Variants in ADGRA2 observed in about 807,000 individuals in gnomAD.
ADGRA2 encodes the protein G-protein coupled receptor 124.
Under a neutral mutation model 98.7 loss-of-function variants are expected in ADGRA2, and 61 were observed. That is an observed-to-expected ratio of 0.62 (90% CI 0.50 to 0.76). The LOEUF is 0.76. ADGRA2 is among the 30% of genes least tolerant of loss of function. The probability of loss-of-function intolerance (pLI) is 0.00; values close to 1 mark genes in which losing one functional copy is unlikely to be tolerated. For missense variants in ADGRA2, 1,712 were observed against 1,860.0 expected (o/e 0.92, Z 1.46); for synonymous variants, 858 against 831.5 (o/e 1.03, Z -0.55).
rs568410270 is a variant in ADGRA2, at chr8:37,809,382, C to T, written c.267-5514C>T. On this transcript the variant is annotated intron_variant, in intron 1 of 18. Transcript: ENST00000412232. ...CTCCCCAGATAGACCCACCACAAGGCACCCTCTGGAGAATAGAACCAGCAA... is the reference window on the plus strand; with the variant it reads ...CTCCCCAGATAGACCCACCACAAGGTACCCTCTGGAGAATAGAACCAGCAA... 1.2e-3 allele frequency among the ~76,000 whole-genome samples: 184 copies of T among 152,082 alleles called. 1 individual carries two copies. Among genetic ancestry groups the T allele is most frequent in the South Asian group, 9.4e-3 (45 of 4,808 alleles).
At chr8:37,818,477 A>G (rs1328409929) in intron 2 of ADGRA2, among the ~76,000 whole-genome samples, 1 of 152,262 alleles carries the variant, frequency 6.6e-6, no homozygotes, top group Non-Finnish European at 1.5e-5. Context: ...GCAGGCAATC[A>G]GAAGAACCAG....
chr8:37,832,936 C>G, intron 8 of ADGRA2, 74 bp from the exon 9 acceptor site: 1 of 1,190,186 alleles, frequency 8.4e-7, no homozygotes, highest in Non-Finnish European at 1.2e-6. Flanking sequence ...CCGGCCTCAC[C>G]GTTCTAAAGT....
chr8:37,827,019 GC>G (rs1563346275), intron 2 of ADGRA2, among the ~76,000 whole-genome samples: 1 of 152,124 alleles, frequency 6.6e-6, no homozygotes. Flanking sequence ...CCCCACCCTT[GC>G]CTGCTCCAGG....
At chr8:37,829,206 T>A in intron 3 of ADGRA2, 55 bp from the exon 4 acceptor site, 2 of 1,338,792 alleles carry the variant, frequency 1.5e-6, no homozygotes. Context: ...TCCTCACAAG[T>A]GGACCCACGT....
intron 1 of ADGRA2, among the ~76,000 whole-genome samples, chr8:37,799,017 G>A (rs533550992): frequency 6.6e-6 from 1 of 152,304 alleles, no homozygotes; most frequent in East Asian, 1.9e-4. Flanking sequence ...ACTTAGTTCT[G>A]GAGGAGAAAA....
chr8:37,835,368 C>G lies in ADGRA2; in HGVS notation c.1803C>G (p.Pro601=). ...GCTTCCGCTGCACCACCGGGAGGCC[C>G]AATGTTTCTCTGTCGTCCTTCCACA... ...QLRFRCTTGR[P]NVSLSSFHIK... is the part of the protein sequence containing the mutation. Residue 601 remains proline (P), a synonymous_variant, in exon 12 of 19, where the codon CCC becomes CCG. Transcript: ENST00000412232. 6.2e-7 allele frequency: 1 copy of G among 1,611,848 alleles called. No individual in the cohort carries two copies. The highest frequency in any genetic ancestry group is 2.2e-5 in the East Asian group (1 of 44,850).
intron 13 of ADGRA2, among the ~76,000 whole-genome samples, chr8:37,837,329 G>T (rs930649940): frequency 5.3e-5 from 8 of 152,142 alleles, no homozygotes; most frequent in African/African-American, 1.7e-4. Context: ...CACTGGGAAC[G>T]CCTCCTCCTA....
At position 37,814,321 on chromosome 8, in the gene ADGRA2, G is replaced by T. The variant is rs892865778; in HGVS notation, c.267-575G>T. On this transcript the variant is annotated intron_variant, in intron 1 of 18. Coordinates refer to ENST00000412232, the MANE Select transcript of ADGRA2 (RefSeq NM_032777.10). This position sits in a 1 kb window ranked among gnomAD's most constrained non-coding sequence, Gnocchi z 4.3. ...GGGGCTCCATTGGCTTTCTGCCAAG[G>T]CTTCAGAAGGCTTAGGAGGCCAGGA... 9.2e-5 allele frequency among the ~76,000 whole-genome samples: 14 copies of T among 152,208 alleles called. 1 individual carries two copies. The highest frequency in any genetic ancestry group is 6.5e-5 in the Admixed American group (1 of 15,286).
At chr8:37,822,085 T>G (rs899860154) in intron 2 of ADGRA2, among the ~76,000 whole-genome samples, 1 of 152,140 alleles carries the variant, frequency 6.6e-6, no homozygotes, top group Non-Finnish European at 1.5e-5. Flanking sequence ...CCCCCATGCC[T>G]GGCATGGGGT....
At chr8:37,831,940 A>G (rs1298658614) in intron 8 of ADGRA2, among the ~76,000 whole-genome samples, 1 of 152,096 alleles carries the variant, frequency 6.6e-6, no homozygotes, top group East Asian at 1.9e-4. Flanking sequence ...CGTGCCTGTA[A>G]TCCCAACTAC....
At chr8:37,811,168 G>T (rs867489104) in intron 1 of ADGRA2, among the ~76,000 whole-genome samples, 2,293 of 101,728 alleles carry the variant, frequency 0.023, 43 homozygotes, top group East Asian at 0.078. Context: ...GTGTGTGTGT[G>T]TTTTTTTTTT....
Position 37,797,616 on chromosome 8 carries a change from G to T in ADGRA2, c.266+82G>T. On this transcript the variant is annotated intron_variant, in intron 1 of 18. Coordinates refer to ENST00000412232, the MANE Select transcript of ADGRA2 (RefSeq NM_032777.10). The surrounding 1 kb of genome is among the most constrained non-coding windows in gnomAD (Gnocchi z 5.3). ...GAGACGGGAGGGGTGGGAGCAGGGGGAAGGGGGCTATCCCCCCACTTCAGA... is the reference window on the plus strand; with the variant it reads ...GAGACGGGAGGGGTGGGAGCAGGGGTAAGGGGGCTATCCCCCCACTTCAGA... 11 of 1,081,456 alleles carry T rather than the reference G, an allele frequency of 1.0e-5. No individual in the cohort carries two copies. The highest frequency in any genetic ancestry group is 3.4e-5 in the South Asian group (1 of 29,472). 67.0% of individuals were successfully genotyped at this position (1,081,456 alleles called of 1,614,324 possible). A position where few individuals can be genotyped will look rare whatever the true frequency, so the allele number is the denominator to read the frequency against.
chr8:37,842,933 A>T lies in ADGRA2; in HGVS notation c.*578A>T, dbSNP rs1805855169. 6.5e-6 allele frequency: 1 copy of T among 152,830 alleles called. No homozygotes were observed. Among genetic ancestry groups the T allele is most frequent in the African/African-American group, 2.4e-5 (1 of 41,458 alleles). The allele number at this position is 152,830 out of a possible 1,614,324, so 9.5% of individuals were successfully genotyped here. Reference sequence around the variant, plus strand: ...AGAGGGGAGGGTGGGGCCACGTGAAAGGCAGCTCTAGACATCAACCAGTCC... The same window carrying T: ...AGAGGGGAGGGTGGGGCCACGTGAATGGCAGCTCTAGACATCAACCAGTCC... On this transcript the variant is annotated 3_prime_UTR_variant, in exon 19 of 19. Transcript: ENST00000412232.
rs1805789914 is a variant in ADGRA2 at position 37,841,497 on chromosome 8, G to A, written c.3159G>A (p.Leu1053=). ...RWLPRVVCSC[L]YGVAASALGL... is the part of the protein sequence containing the mutation. ...TGCCCCGGGTGGTGTGCAGCTGCTT[G>A]TACGGGGTGGCAGCCTCCGCCCTGG... is the stretch of plus-strand genomic sequence containing the variant. Residue 1053 remains leucine, a synonymous_variant, in exon 19 of 19, where the codon TTG becomes TTA. Transcript: ENST00000412232. The surrounding 1 kb of genome is among the most constrained non-coding windows in gnomAD (Gnocchi z 5.0). The A allele has an allele frequency of 6.2e-7, 1 of 1,612,856 alleles. No individual in the cohort carries two copies. Among genetic ancestry groups the A allele is most frequent in the Admixed American group, 1.7e-5 (1 of 59,958 alleles).
At chr8:37,829,786 C>A in intron 5 of ADGRA2, 65 bp from the exon 6 acceptor site, 13 of 1,527,610 alleles carry the variant, frequency 8.5e-6, no homozygotes, top group Non-Finnish European at 1.2e-5. Flanking sequence ...TCCCTGGGGC[C>A]CCAGGCCACC....
intron 2 of ADGRA2, among the ~76,000 whole-genome samples, chr8:37,826,107 T>G (rs1805272514): frequency 6.8e-6 from 1 of 148,038 alleles, no homozygotes; most frequent in African/African-American, 2.5e-5. Context: ...GGGGAGGAAA[T>G]GAGAATAAAC....
Position 37,844,597 on chromosome 8 carries a change from A to G in ADGRA2, c.*2242A>G. 1 of 1,614,114 alleles carries G rather than the reference A, an allele frequency of 6.2e-7. No individual in the cohort carries two copies. The highest frequency in any genetic ancestry group is 8.5e-7 in the Non-Finnish European group (1 of 1,180,014). On this transcript the variant is annotated 3_prime_UTR_variant, in exon 19 of 19. Coordinates refer to ENST00000412232, the MANE Select transcript of ADGRA2 (RefSeq NM_032777.10). ...AAATACTGTTCTATTTCACTATCAG[A>G]AATGTTCTCATCTCCAGTGACAGTG...
chr8:37,804,707 G>T (rs1804610648), intron 1 of ADGRA2, among the ~76,000 whole-genome samples: 1 of 152,198 alleles, frequency 6.6e-6, no homozygotes, highest in African/African-American at 2.4e-5. Context: ...AGCTCTGCAG[G>T]CAGGAAGGTC....
In ADGRA2 at chr8:37,796,887, A is replaced by G. The variant is rs906451891; in HGVS notation, c.-382A>G. 2 of 153,496 alleles carry G rather than the reference A, an allele frequency of 1.3e-5. No individual in the cohort carries two copies. The highest frequency in any genetic ancestry group is 4.8e-5 in the African/African-American group (2 of 41,288). 9.5% of individuals were successfully genotyped at this position (153,496 alleles called of 1,614,324 possible). A position where few individuals can be genotyped will look rare whatever the true frequency, so the allele number is the denominator to read the frequency against. ...GCGCGGCGCGGAGCTGCCTCCATCC[A>G]TGGCACGGAGCGGCGGCGGCGGCGG... On this transcript the variant is annotated 5_prime_UTR_variant, in exon 1 of 19. It removes an upstream start codon present in the reference 5' UTR. Coordinates refer to ENST00000412232, the MANE Select transcript of ADGRA2 (RefSeq NM_032777.10).
Sources: allele counts gnomAD v4.1 joint callset (sites outside exome capture counted in the v4.1 genomes callset), GRCh38; gene constraint gnomAD v4.1.1; non-coding constraint Gnocchi (gnomAD v3.1); transcripts MANE v1.5; gene names NCBI Gene and HGNC (gene_info 2026-07-23, HGNC 2026-07-21).